Variants in CDH9 observed in about 807,000 individuals in gnomAD.
CDH9 encodes the protein cadherin-9.
A neutral mutation model predicts 70.9 loss-of-function variants in CDH9; 28 were observed. The ratio of observed to expected loss-of-function variants is 0.40; its 90% CI spans 0.29 to 0.54. The LOEUF is 0.54. Ranked by LOEUF, CDH9 falls within the 20% of genes least tolerant of loss-of-function variation. CDH9 has a pLI of 0.59. For synonymous variants in CDH9, 409 were observed against 343.1 expected, an observed-to-expected ratio of 1.19 and a Z score of -2.12; for missense variants, 874 against 984.4, an observed-to-expected ratio of 0.89 and a Z score of 1.50.
chr5:26,969,559 G>A (rs1234971820), intron 2 of CDH9, among the ~76,000 whole-genome samples: 1 of 151,976 alleles, frequency 6.6e-6, no homozygotes, highest in African/African-American at 2.4e-5. Flanking sequence ...TATTTTTGTA[G>A]GTTTTGAAAT....
intron 2 of CDH9, among the ~76,000 whole-genome samples, chr5:26,937,536 G>T: frequency 6.6e-6 from 1 of 152,210 alleles, no homozygotes; most frequent in South Asian, 2.1e-4. Context: ...CCTGTTGCAT[G>T]AATATGTATA....
chr5:27,035,728 GTGTA>G (rs1743382957), intron 1 of CDH9, among the ~76,000 whole-genome samples: 2 of 151,276 alleles, frequency 1.3e-5, no homozygotes, highest in Non-Finnish European at 3.0e-5. Flanking sequence ...GTGGGTGTGT[GTGTA>G]TGTGTGTCCT....
At chr5:27,009,998 G>C (rs1009647061) in intron 1 of CDH9, among the ~76,000 whole-genome samples, 2 of 151,980 alleles carry the variant, frequency 1.3e-5, no homozygotes, top group African/African-American at 4.8e-5. Context: ...GATTTACTGG[G>C]AACTGAACCC....
At chr5:26,885,906 T>C in intron 10 of CDH9, 41 bp from the exon 11 acceptor site, 1 of 1,605,892 alleles carries the variant, frequency 6.2e-7, no homozygotes, top group East Asian at 2.2e-5. Context: ...ACTTTCATAT[T>C]TGTTTTTAAC....
rs926587542 is a variant in CDH9 at position 26,885,627 on chromosome 5, G to T, written c.1869C>A (p.Val623=). Residue 623 remains valine, a synonymous_variant, in exon 11 of 12, where the codon GTC becomes GTA. Transcript: ENST00000231021. ...TGALVAILLC[V]LILLILVVLF... ...GGCAGAGCTTACTAAGCAGTATGAG[G>T]ACACAGAGTAGAATCGCAACGAGAG... 6.2e-7 allele frequency: 1 copy of T among 1,612,960 alleles called. No homozygotes were observed. Among genetic ancestry groups the T allele is most frequent in the African/African-American group, 1.3e-5 (1 of 74,898 alleles).
intron 2 of CDH9, among the ~76,000 whole-genome samples, chr5:26,943,504 C>T (rs1476479863): frequency 2.0e-5 from 2 of 98,934 alleles, no homozygotes; most frequent in African/African-American, 6.1e-5. Flanking sequence ...CAGAGTGAGA[C>T]TCCATCTCAA....
At position 26,988,390 on chromosome 5, in the gene CDH9, G is replaced by A. The variant is rs1038293665; in HGVS notation, c.-49-8C>T. On this transcript the variant is annotated splice_polypyrimidine_tract_variant and splice_region_variant and intron_variant, in intron 1 of 11. Coordinates refer to ENST00000231021, the MANE Select transcript of CDH9 (RefSeq NM_016279.4). ...ATGTATTGTTTGTTTTTCCTAAAGA[G>A]TAAGGAGAAAAAAAATGGCTGTATT... The A allele has an allele frequency of 5.3e-5, 83 of 1,568,548 alleles. 1 individual carries two copies. The highest frequency in any genetic ancestry group is 1.8e-4 in the Middle Eastern group (1 of 5,618).
At chr5:27,033,483 G>C (rs1743343214) in intron 1 of CDH9, among the ~76,000 whole-genome samples, 1 of 151,178 alleles carries the variant, frequency 6.6e-6, no homozygotes, top group Non-Finnish European at 1.5e-5. Flanking sequence ...CAGACAGATA[G>C]ACAGACAGAC....
chr5:26,923,244 A>T (rs1579453237), intron 2 of CDH9, among the ~76,000 whole-genome samples: 1 of 151,796 alleles, frequency 6.6e-6, no homozygotes. Flanking sequence ...AAAAACAACA[A>T]CAACAACAAA....
intron 2 of CDH9, among the ~76,000 whole-genome samples, chr5:26,987,088 A>ATT (rs1742499814): frequency 1.1e-5 from 1 of 92,082 alleles, no homozygotes; most frequent in African/African-American, 4.6e-5. Flanking sequence ...AGGCACTTGT[A>ATT]TTCTTTTTTT....
chr5:26,907,437 C>A (rs1416409604), intron 3 of CDH9, among the ~76,000 whole-genome samples: 1 of 151,992 alleles, frequency 6.6e-6, no homozygotes, highest in Non-Finnish European at 1.5e-5. Context: ...CTTATGATTA[C>A]CTCTATTGAT....
At chr5:27,018,656 CTCTGGGA>C (rs1187705856) in intron 1 of CDH9, among the ~76,000 whole-genome samples, 2 of 151,598 alleles carry the variant, frequency 1.3e-5, no homozygotes, top group Non-Finnish European at 2.9e-5. Context: ...ATGTTGGTAC[CTCTGGGA>C]TAATATTATC....
At chr5:26,945,138 G>A (rs1305570906) in intron 2 of CDH9, among the ~76,000 whole-genome samples, 1 of 151,008 alleles carries the variant, frequency 6.6e-6, no homozygotes, top group East Asian at 1.9e-4. Flanking sequence ...ATGGGGAGGA[G>A]TTGTATAATT....
At position 26,902,584 on chromosome 5, in the gene CDH9, A is replaced by T. The variant is rs1391629855; in HGVS notation, c.1145T>A (p.Val382Glu). ...TATCAAGTAAGAGACTTTAGTGAAC[A>T]CAGGAGGCTCATCTATATCTTCCAC... is the stretch of plus-strand genomic sequence containing the variant. ...ISVEDIDEPP[V>E]FTKVSYLIEV... The change falls in exon 7 of 12, where the codon GTG (valine) becomes GAG (glutamate). Residue 382 changes from valine to glutamate, a missense_variant. Transcript: ENST00000231021. 1.2e-6 allele frequency: 2 copies of T among 1,600,590 alleles called. No homozygotes were observed. The highest frequency in any genetic ancestry group is 2.2e-5 in the South Asian group (2 of 90,820).
At chr5:26,908,457 A>G (rs1740987467) in intron 3 of CDH9, among the ~76,000 whole-genome samples, 1 of 152,164 alleles carries the variant, frequency 6.6e-6, no homozygotes, top group African/African-American at 2.4e-5. Flanking sequence ...AGCATTACCA[A>G]TATGCTGAAA....
rs1743300215 is a variant in CDH9, at chr5:27,030,904, T to G, written c.-50+7559A>C. 2.0e-5 allele frequency among the ~76,000 whole-genome samples: 3 copies of G among 152,042 alleles called. No homozygotes were observed. The South Asian group carries it at 6.2e-4, about 32-fold the overall frequency. ...TATACTTAGTATATTATTTGAATTT[T>G]TTTAGTGTATATGTTATCTAGAACA... is the stretch of plus-strand genomic sequence containing the variant. On this transcript the variant is annotated intron_variant, in intron 1 of 11. Transcript: ENST00000231021.
chr5:27,022,136 A>C (rs746113837), intron 1 of CDH9, among the ~76,000 whole-genome samples: 6 of 152,048 alleles, frequency 3.9e-5, no homozygotes, highest in Non-Finnish European at 8.8e-5. Flanking sequence ...TAGTATCTGA[A>C]GTTCCTTACA....
At chr5:27,032,115 T>C (rs1280611061) in intron 1 of CDH9, among the ~76,000 whole-genome samples, 1 of 151,786 alleles carries the variant, frequency 6.6e-6, no homozygotes, top group African/African-American at 2.4e-5. Flanking sequence ...TGTATAAATA[T>C]GAACAGACTA....
chr5:27,014,631 T>A (rs534856807), intron 1 of CDH9, among the ~76,000 whole-genome samples: 3 of 151,892 alleles, frequency 2.0e-5, no homozygotes, highest in Non-Finnish European at 4.4e-5. Flanking sequence ...ATGTACATCA[T>A]ACTTATATAC....
Sources: gnomAD v4.1 joint callset for allele counts (sites outside exome capture counted in the v4.1 genomes callset) on GRCh38, gnomAD v4.1.1 for gene constraint, MANE v1.5 for transcripts, NCBI Gene and HGNC (gene_info 2026-07-23, HGNC 2026-07-21) for gene names.